The following DISC1 variants were observed in gnomAD, a reference collection of about 807,000 sequenced individuals.
The protein encoded by DISC1 is disrupted in schizophrenia 1 protein.
A neutral mutation model predicts 84.5 loss-of-function variants in DISC1; 57 were observed. The ratio of observed to expected loss-of-function variants is 0.67; its 90% confidence interval spans 0.55 to 0.84. The LOEUF is 0.84. Ranked by LOEUF, DISC1 falls within the 40% of genes least tolerant of loss-of-function variation. DISC1 has a pLI of 0.00. For synonymous variants in DISC1, 411 were observed against 415.2 expected (o/e 0.99, Z 0.12); for missense variants, 1,000 against 1,057.8 (o/e 0.95, Z 0.76).
chr1:232,009,207 A>G lies in DISC1; in HGVS notation c.2307+158A>G, dbSNP rs1333079501. 3 of 1,429,608 alleles carry G rather than the reference A, an allele frequency of 2.1e-6. No individual in the cohort carries two copies. Among genetic ancestry groups the G allele is most frequent in the Admixed American group, 5.7e-5 (2 of 35,358 alleles). 88.6% of individuals were successfully genotyped at this position (1,429,608 alleles called of 1,614,324 possible). A position where few individuals can be genotyped will look rare whatever the true frequency, so the allele number is the denominator to read the frequency against. On this transcript the variant is annotated intron_variant, in intron 11 of 12. Coordinates refer to ENST00000439617, the MANE Select transcript of DISC1 (RefSeq NM_018662.3). The surrounding 1 kb of genome is among the most constrained non-coding windows in gnomAD (Gnocchi z 4.6). ...ACTCTTGAATATGATTACAAAATAA[A>G]GTAGAATTTTTGTAGAAGTTTGAAA...
intron 1 of DISC1, among the ~76,000 whole-genome samples, chr1:231,670,201 G>T (rs937615141): frequency 2.0e-5 from 3 of 152,132 alleles, no homozygotes; most frequent in African/African-American, 7.2e-5. Flanking sequence ...GCACACTAGG[G>T]CCTATTGAAG....
intron 3 of DISC1, 100 bp downstream of exon 3, chr1:231,702,124 A>G (rs967144465): frequency 1.9e-5 from 28 of 1,499,860 alleles, no homozygotes; most frequent in Middle Eastern, 3.4e-4. Context: ...GAATTGTACA[A>G]TCTGTTCCTC....
chr1:231,713,709 T>TATATAGGAG (rs2068202151), intron 3 of DISC1, among the ~76,000 whole-genome samples: 7 of 71,858 alleles, frequency 9.7e-5, no homozygotes, highest in African/African-American at 2.9e-4. Flanking sequence ...AGGAGATATA[T>TATATAGGAG]ATATATATAT....
chr1:231,752,488 A>G (rs545878850), intron 4 of DISC1, among the ~76,000 whole-genome samples: 25 of 152,288 alleles, frequency 1.6e-4, no homozygotes, highest in Admixed American at 1.6e-3. Flanking sequence ...TAAACCATTC[A>G]TGAAGTATCC....
At chr1:231,751,858 C>T (rs190247184) in intron 4 of DISC1, among the ~76,000 whole-genome samples, 1 of 152,342 alleles carries the variant, frequency 6.6e-6, no homozygotes, top group East Asian at 1.9e-4. Context: ...ACAGTTTGCT[C>T]ATTCATTCAT....
At position 231,785,994 on chromosome 1, in the gene DISC1, T is replaced by C. The variant is rs539329957; in HGVS notation, c.1635-9248T>C. ...TTGTCTCTATTTTATATTTCTAATA[T>C]CTAATATATCTCTATTATCTATTAT... is the stretch of plus-strand genomic sequence containing the variant. On this transcript the variant is annotated intron_variant, in intron 6 of 12. Coordinates refer to ENST00000439617, the MANE Select transcript of DISC1 (RefSeq NM_018662.3). Among the ~76,000 whole-genome samples, 12 of 152,312 alleles carry C rather than the reference T, an allele frequency of 7.9e-5. No individual in the cohort carries two copies. In the South Asian group the frequency reaches 2.3e-3, roughly 29 times the overall value.
At chr1:231,906,360 CG>C (rs1184936202) in intron 9 of DISC1, among the ~76,000 whole-genome samples, 4 of 152,112 alleles carry the variant, frequency 2.6e-5, no homozygotes, top group Admixed American at 6.5e-5. Context: ...GTGAGAGAGA[CG>C]TAAGTACAAT....
chr1:232,030,786 A>G (rs375239446), intron 12 of DISC1, among the ~76,000 whole-genome samples: 1 of 152,150 alleles, frequency 6.6e-6, no homozygotes, highest in African/African-American at 2.4e-5. Context: ...CATGAGGATC[A>G]TGGAGCTCCA....
intron 9 of DISC1, among the ~76,000 whole-genome samples, chr1:231,957,834 T>A (rs1248897896): frequency 6.6e-6 from 1 of 152,184 alleles, no homozygotes; most frequent in African/African-American, 2.4e-5. Context: ...ACCTTACACA[T>A]ACACGTTGAC....
At chr1:231,665,342 T>G (rs571972240) in intron 1 of DISC1, among the ~76,000 whole-genome samples, 2 of 152,192 alleles carry the variant, frequency 1.3e-5, no homozygotes, top group African/African-American at 4.8e-5. Context: ...CTATAAACTT[T>G]GAGTAACACA....
intron 10 of DISC1, among the ~76,000 whole-genome samples, chr1:232,004,848 TCTCCCTCCCTCCCTCCCTGC>T (rs1475841107): frequency 9.5e-6 from 1 of 105,440 alleles, no homozygotes; most frequent in Non-Finnish European, 2.0e-5. Flanking sequence ...TCGCTCCATC[TCTCCCTCCCTCCCTCCCTGC>T]CTCCCTCCCT....
At chr1:231,740,905 A>G (rs1332304829) in intron 3 of DISC1, among the ~76,000 whole-genome samples, 1 of 152,210 alleles carries the variant, frequency 6.6e-6, no homozygotes, top group African/African-American at 2.4e-5. Flanking sequence ...TCAGCACTCA[A>G]AAGCTTTCAG....
intron 4 of DISC1, among the ~76,000 whole-genome samples, chr1:231,762,583 T>C (rs2075844544): frequency 6.8e-6 from 1 of 146,356 alleles, no homozygotes; most frequent in African/African-American, 2.5e-5. Context: ...ACTCCTGGGC[T>C]CAAGTGATCC....
At chr1:231,635,581 A>G (rs1293340202) in intron 1 of DISC1, among the ~76,000 whole-genome samples, 4 of 152,174 alleles carry the variant, frequency 2.6e-5, no homozygotes. Flanking sequence ...TTACTCCCTC[A>G]TCTATGTAGT....
At chr1:231,968,742 A>C (rs1029764973) in intron 10 of DISC1, among the ~76,000 whole-genome samples, 3 of 152,100 alleles carry the variant, frequency 2.0e-5, no homozygotes. Flanking sequence ...TGGAAGCTTC[A>C]TCTAGGGAGG....
intron 3 of DISC1, among the ~76,000 whole-genome samples, chr1:231,747,842 A>G (rs2074178957): frequency 6.6e-6 from 1 of 152,098 alleles, no homozygotes; most frequent in Non-Finnish European, 1.5e-5. Flanking sequence ...TTATTTTAAC[A>G]ATATTAATTC....
At chr1:231,716,023 C>T (rs1320022167) in intron 3 of DISC1, among the ~76,000 whole-genome samples, 1 of 152,084 alleles carries the variant, frequency 6.6e-6, no homozygotes, top group Non-Finnish European at 1.5e-5. Flanking sequence ...AATACCTATC[C>T]TGCTGTGTGG....
chr1:231,868,692 T>TTA (rs58636016), intron 9 of DISC1, among the ~76,000 whole-genome samples: 1,123 of 108,492 alleles, frequency 0.01, 8 homozygotes, highest in Middle Eastern at 0.015. Flanking sequence ...ACCCCATCTC[T>TTA]TATATATATA....
At chr1:231,946,140 C>G (rs756799713) in intron 9 of DISC1, among the ~76,000 whole-genome samples, 8 of 152,158 alleles carry the variant, frequency 5.3e-5, no homozygotes, top group Admixed American at 6.5e-5. Flanking sequence ...ATACCAAAAC[C>G]TGGCAGAGAC....
Sources: gnomAD v4.1 joint callset for allele counts (sites outside exome capture counted in the v4.1 genomes callset) on GRCh38, gnomAD v4.1.1 for gene constraint, Gnocchi (gnomAD v3.1) non-coding constraint, MANE v1.5 for transcripts, NCBI Gene and HGNC (gene_info 2026-07-23, HGNC 2026-07-21) for gene names.